The following SENP6 variants were observed in gnomAD, a reference collection of about 807,000 sequenced individuals.
SENP6 encodes the protein SUMO specific peptidase 6.
In SENP6, 41 loss-of-function variants were observed where a neutral mutation model predicts 134.5. The observed-to-expected ratio is 0.30, with a 90% confidence interval of 0.24 to 0.40. The LOEUF is 0.40. SENP6 is among the 10% of genes least tolerant of loss of function. The pLI, the probability that SENP6 is intolerant of heterozygous loss-of-function variation, is 1.00. For synonymous variants in SENP6, 395 were observed against 429.8 expected (o/e 0.92, Z 1.00); for missense variants, 1,248 against 1,312.5 (o/e 0.95, Z 0.76).
intron 6 of SENP6, among the ~76,000 whole-genome samples, chr6:75,642,170 C>G (rs1055305839): frequency 6.6e-6 from 1 of 152,288 alleles, no homozygotes. Flanking sequence ...AAGTATTTAT[C>G]GAACCTGCTG....
At chr6:75,635,722 C>T (rs1769460982) in intron 5 of SENP6, among the ~76,000 whole-genome samples, 1 of 152,174 alleles carries the variant, frequency 6.6e-6, no homozygotes, top group East Asian at 1.9e-4. Flanking sequence ...AATTGGCTTA[C>T]TCTACTGCAA....
intron 1 of SENP6, among the ~76,000 whole-genome samples, chr6:75,615,082 G>C (rs1767751951): frequency 1.3e-5 from 2 of 152,084 alleles, no homozygotes; most frequent in South Asian, 2.1e-4. Flanking sequence ...GTAGAAACAG[G>C]GTTTCACCAT....
intron 21 of SENP6, among the ~76,000 whole-genome samples, chr6:75,712,495 A>C (rs1775804689): frequency 1.3e-5 from 2 of 152,120 alleles, no homozygotes; most frequent in South Asian, 4.1e-4. Flanking sequence ...TGTGCAACAC[A>C]GTGAGACGCC....
chr6:75,608,785 A>G (rs1268161185), intron 1 of SENP6, among the ~76,000 whole-genome samples: 2 of 152,222 alleles, frequency 1.3e-5, no homozygotes, highest in Non-Finnish European at 2.9e-5. Flanking sequence ...GAGGAAATAT[A>G]TATTACTTAA....
intron 8 of SENP6, among the ~76,000 whole-genome samples, chr6:75,659,653 A>G (rs1384029776): frequency 6.6e-6 from 1 of 152,206 alleles, no homozygotes; most frequent in Non-Finnish European, 1.5e-5. Context: ...GCTCTCTGCC[A>G]GAATTTTTTT....
rs970188931 is a variant in SENP6 at position 75,679,136 on chromosome 6, G to C, written c.2075+209G>C. The C allele has an allele frequency of 4.4e-5, 19 of 433,032 alleles. 1 individual carries two copies. The highest frequency in any genetic ancestry group is 7.4e-5 in the Non-Finnish European group (18 of 243,840). The allele number at this position is 433,032 out of a possible 1,614,324, so 26.8% of individuals were successfully genotyped here. ...AAAAAGTTGTGAAAATTGGGCCAGG[G>C]AGATATCTGGCTTATGTCTATAATC... On this transcript the variant is annotated intron_variant, in intron 16 of 23. Transcript: ENST00000447266.
intron 7 of SENP6, among the ~76,000 whole-genome samples, chr6:75,655,585 A>G (rs1039412398): frequency 6.6e-6 from 1 of 152,178 alleles, no homozygotes; most frequent in African/African-American, 2.4e-5. Flanking sequence ...GGCTTCTTTC[A>G]TTCAGGATCT....
chr6:75,715,125 A>G (rs1047175048), intron 23 of SENP6, among the ~76,000 whole-genome samples: 3 of 152,294 alleles, frequency 2.0e-5, no homozygotes, highest in African/African-American at 7.2e-5. Flanking sequence ...CTGTGTTCCA[A>G]TAAAACTTTA....
intron 19 of SENP6, among the ~76,000 whole-genome samples, chr6:75,708,991 G>C (rs1775590274): frequency 6.6e-6 from 1 of 152,108 alleles, no homozygotes; most frequent in Non-Finnish European, 1.5e-5. Context: ...CAGCAAAATA[G>C]TTGCTTATTA....
chr6:75,658,021 G>A (rs923036544), intron 7 of SENP6, among the ~76,000 whole-genome samples: 1 of 152,120 alleles, frequency 6.6e-6, no homozygotes, highest in Non-Finnish European at 1.5e-5. Flanking sequence ...CACTTTTTCA[G>A]TAGTGGGGAA....
At chr6:75,604,114 T>A (rs1766841673) in intron 1 of SENP6, among the ~76,000 whole-genome samples, 1 of 152,186 alleles carries the variant, frequency 6.6e-6, no homozygotes, top group Admixed American at 6.5e-5. Context: ...TTCCAGCTTC[T>A]ATAGGCCCGA....
At chr6:75,634,953 G>A in intron 5 of SENP6, 142 bp downstream of exon 5, 1 of 689,656 alleles carries the variant, frequency 1.5e-6, no homozygotes, top group East Asian at 2.7e-5. Context: ...AATAATTCAT[G>A]ACATGAAATT....
chr6:75,637,042 G>A (rs1334712739), intron 5 of SENP6, among the ~76,000 whole-genome samples: 2 of 151,856 alleles, frequency 1.3e-5, no homozygotes, highest in Non-Finnish European at 2.9e-5. Context: ...CACCGCACCA[G>A]GCTAACTTTA....
rs112837534 is a variant in SENP6 at position 75,655,834 on chromosome 6, C to G, written c.551-3428C>G. ...TTTTTTAAATGTCTTCTATTTATAT[C>G]GAACCTGTATATAGATCACTCTTAC... On this transcript the variant is annotated intron_variant, in intron 7 of 23. Coordinates refer to ENST00000447266, the MANE Select transcript of SENP6 (RefSeq NM_015571.4). Among the ~76,000 whole-genome samples, 520 of 152,034 alleles carry G rather than the reference C, an allele frequency of 3.4e-3. 1 individual carries two copies. The highest frequency in any genetic ancestry group is 6.8e-3 in the Middle Eastern group (2 of 294).
At chr6:75,671,137 C>T (rs1258301034) in intron 11 of SENP6, among the ~76,000 whole-genome samples, 1 of 152,146 alleles carries the variant, frequency 6.6e-6, no homozygotes, top group Non-Finnish European at 1.5e-5. Flanking sequence ...ATAATGGCTG[C>T]CCAAAGGACT....
chr6:75,671,659 T>G (rs1582822916), intron 11 of SENP6, among the ~76,000 whole-genome samples: 1 of 152,128 alleles, frequency 6.6e-6, no homozygotes, highest in Non-Finnish European at 1.5e-5. Flanking sequence ...GAGGCAGAGG[T>G]TGCAGTGAGC....
intron 16 of SENP6, among the ~76,000 whole-genome samples, chr6:75,686,476 G>C (rs146120116): frequency 0.019 from 2,925 of 152,304 alleles, 105 homozygotes; most frequent in African/African-American, 0.066. Context: ...AATTGATGCA[G>C]TTTCTTCATA....
At chr6:75,634,271 A>C (rs552782109) in intron 4 of SENP6, among the ~76,000 whole-genome samples, 7 of 152,232 alleles carry the variant, frequency 4.6e-5, no homozygotes, top group South Asian at 2.1e-4. Context: ...CAGAAATAGT[A>C]TTTAGGACTC....
At chr6:75,608,951 C>G (rs568860143) in intron 1 of SENP6, among the ~76,000 whole-genome samples, 1 of 152,182 alleles carries the variant, frequency 6.6e-6, no homozygotes, top group East Asian at 1.9e-4. Flanking sequence ...CTACCTTTTT[C>G]TAGATATTAG....
Sources: allele counts gnomAD v4.1 joint callset (sites outside exome capture counted in the v4.1 genomes callset), GRCh38; gene constraint gnomAD v4.1.1; transcripts MANE v1.5; gene names NCBI Gene and HGNC (gene_info 2026-07-23, HGNC 2026-07-21).